Variants in P3H2 observed in about 807,000 individuals in gnomAD.
P3H2 encodes the protein prolyl 3-hydroxylase 2.
In P3H2, 80 loss-of-function variants were observed where a neutral mutation model predicts 87.0. That is an observed-to-expected ratio of 0.92 (90% CI 0.77 to 1.11). The LOEUF is 1.11. Ranked by LOEUF, P3H2 falls within the 50% of genes least tolerant of loss-of-function variation. The pLI is 0.00. For missense variants in P3H2, 1,001 were observed against 923.9 expected (o/e 1.08, Z -1.08); for synonymous variants, 367 against 359.3 (o/e 1.02, Z -0.24).
At position 190,082,669 on chromosome 3, in the gene P3H2, T is replaced by C. The variant is rs79964012; in HGVS notation, c.480+37583A>G. Among the ~76,000 whole-genome samples, 957 of 152,338 alleles carry C rather than the reference T, an allele frequency of 6.3e-3. 13 individuals are homozygous for C. The highest frequency in any genetic ancestry group is 0.022 in the African/African-American group (901 of 41,578). On this transcript the variant is annotated intron_variant, in intron 1 of 14. Transcript: ENST00000319332. ...TGAATACTGAAATTTATTCCCTTTA[T>C]TGAACTGTATTTTCAACCTTAGGAT...
At chr3:190,051,832 G>A (rs953416379) in intron 1 of P3H2, among the ~76,000 whole-genome samples, 3 of 152,150 alleles carry the variant, frequency 2.0e-5, no homozygotes, top group Non-Finnish European at 4.4e-5. Flanking sequence ...TTCAGCCAAG[G>A]GAGGCATTTC....
At chr3:190,116,501 C>CT (rs1342720714) in intron 1 of P3H2, 3 of 152,156 alleles carry the variant, frequency 2.0e-5, no homozygotes, top group Admixed American at 2.0e-4. Flanking sequence ...ATTCTAAAGC[C>CT]TCTACACCTC....
At chr3:190,101,624 A>G (rs1039275422) in intron 1 of P3H2, among the ~76,000 whole-genome samples, 3 of 151,842 alleles carry the variant, frequency 2.0e-5, no homozygotes, top group African/African-American at 7.3e-5. Flanking sequence ...AGCAAGCAGA[A>G]GTTGGTTCAT....
At chr3:190,069,009 G>T (rs1057091438) in intron 1 of P3H2, among the ~76,000 whole-genome samples, 1 of 152,080 alleles carries the variant, frequency 6.6e-6, no homozygotes, top group African/African-American at 2.4e-5. Context: ...CAGAAAAAAT[G>T]TTTTATATGA....
intron 1 of P3H2, among the ~76,000 whole-genome samples, chr3:190,076,228 T>C (rs1170904427): frequency 3.3e-5 from 5 of 151,718 alleles, no homozygotes; most frequent in Middle Eastern, 3.4e-3. Context: ...TAAACACAAG[T>C]GTCCTTAATT....
At chr3:190,066,158 TACACACACACACACACACAC>T (rs796289092) in intron 1 of P3H2, among the ~76,000 whole-genome samples, 27 of 134,554 alleles carry the variant, frequency 2.0e-4, no homozygotes, top group African/African-American at 5.6e-4. Flanking sequence ...TATATATATA[TACACACACACACACACACAC>T]ATATATACAC....
intron 1 of P3H2, among the ~76,000 whole-genome samples, chr3:190,045,734 A>G (rs996174796): frequency 6.6e-6 from 1 of 151,962 alleles, no homozygotes. Context: ...AGCCCTTAAG[A>G]ATAGAATTGA....
intron 1 of P3H2, among the ~76,000 whole-genome samples, chr3:189,999,293 AG>A (rs1488259991): frequency 6.6e-6 from 1 of 152,244 alleles, no homozygotes; most frequent in Non-Finnish European, 1.5e-5. Context: ...CTATAAAAAA[AG>A]ATTCCATGAC....
chr3:190,077,923 A>C (rs936760147), intron 1 of P3H2, among the ~76,000 whole-genome samples: 2 of 152,200 alleles, frequency 1.3e-5, no homozygotes, highest in African/African-American at 4.8e-5. Context: ...AATGATTGCA[A>C]CTGATGAGGC....
At chr3:190,107,777 A>C (rs1393351572) in intron 1 of P3H2, among the ~76,000 whole-genome samples, 1 of 152,202 alleles carries the variant, frequency 6.6e-6, no homozygotes, top group African/African-American at 2.4e-5. Context: ...ATATCTTACT[A>C]TACATACATT....
At chr3:190,045,948 C>T (rs982055132) in intron 1 of P3H2, among the ~76,000 whole-genome samples, 5 of 151,942 alleles carry the variant, frequency 3.3e-5, no homozygotes, top group East Asian at 3.9e-4. Flanking sequence ...GGTGAAACCC[C>T]GTCTCTAAAA....
chr3:190,115,554 G>A (rs1712257860), intron 1 of P3H2, among the ~76,000 whole-genome samples: 3 of 152,096 alleles, frequency 2.0e-5, no homozygotes, highest in African/African-American at 7.2e-5. Flanking sequence ...AATATGTCAA[G>A]GGTATTTTGA....
intron 1 of P3H2, among the ~76,000 whole-genome samples, chr3:190,071,270 CT>C (rs1311468368): frequency 2.0e-5 from 3 of 152,136 alleles, no homozygotes; most frequent in Non-Finnish European, 4.4e-5. Context: ...TTTGAAATGT[CT>C]TATTACAAGC....
At chr3:190,007,992 C>T (rs1708117300) in intron 1 of P3H2, among the ~76,000 whole-genome samples, 1 of 43,636 alleles carries the variant, frequency 2.3e-5, no homozygotes, top group Admixed American at 2.2e-4. Context: ...ATATAGTAAA[C>T]TTCAGTAACG....
rs1722652159 is a variant in P3H2, at chr3:189,956,972, A to G, written c.*940T>C. 5.0e-6 allele frequency: 2 copies of G among 396,994 alleles called. No individual in the cohort carries two copies. The highest frequency in any genetic ancestry group is 8.8e-5 in the Admixed American group (2 of 22,680). The allele number at this position is 396,994 out of a possible 1,614,324, so 24.6% of individuals were successfully genotyped here. On this transcript the variant is annotated 3_prime_UTR_variant, in exon 15 of 15. Coordinates refer to ENST00000319332, the MANE Select transcript of P3H2 (RefSeq NM_018192.4). ...GTTTCTTCCAAAGTCACCAGGGTGA[A>G]AAGCCATTCTACTACAACCTCTACA...
Position 189,995,556 on chromosome 3 carries a change from G to GGTT in P3H2, c.481-115_481-114insAAC, listed in dbSNP as rs10645374. ...TTTAAGAATGAAACTAGGAGCCTTG[G>GGTT]TTTTTTTTTTTTTTATCAGACAGGC... On this transcript the variant is annotated intron_variant, in intron 1 of 14. Transcript: ENST00000319332. 0.35 allele frequency: 283,125 copies of GGTT among 816,072 alleles called. 28,792 individuals carry two copies. The highest frequency in any genetic ancestry group is 0.39 in the African/African-American group (21,697 of 55,510). 50.6% of individuals were successfully genotyped at this position (816,072 alleles called of 1,614,324 possible). A position where few individuals can be genotyped will look rare whatever the true frequency, so the allele number is the denominator to read the frequency against.
At chr3:190,090,871 C>T (rs912227202) in intron 1 of P3H2, among the ~76,000 whole-genome samples, 2 of 152,124 alleles carry the variant, frequency 1.3e-5, no homozygotes, top group African/African-American at 2.4e-5. Flanking sequence ...CTTTGCAAGA[C>T]GTAACTTCAG....
At chr3:190,067,557 T>C (rs1352855561) in intron 1 of P3H2, among the ~76,000 whole-genome samples, 1 of 152,186 alleles carries the variant, frequency 6.6e-6, no homozygotes, top group African/African-American at 2.4e-5. Flanking sequence ...TGCTTTTGAA[T>C]AACTAGTGAT....
intron 1 of P3H2, among the ~76,000 whole-genome samples, chr3:190,065,180 TC>T (rs1186657948): frequency 3.9e-5 from 6 of 152,142 alleles, no homozygotes; most frequent in Non-Finnish European, 8.8e-5. Flanking sequence ...TTCCCTGTCA[TC>T]CTGGGCAAAA....
Sources: allele counts gnomAD v4.1 joint callset (sites outside exome capture counted in the v4.1 genomes callset), GRCh38; gene constraint gnomAD v4.1.1; transcripts MANE v1.5; gene names NCBI Gene and HGNC (gene_info 2026-07-23, HGNC 2026-07-21).